The following IKZF2 variants were observed in gnomAD, a reference collection of about 807,000 sequenced individuals.
IKZF2 encodes zinc finger protein Helios.
IKZF2 carries 15 observed loss-of-function variants against 49.2 expected under a neutral mutation model. The observed-to-expected ratio is 0.30, with a 90% CI of 0.20 to 0.47. The LOEUF (loss-of-function observed/expected upper bound fraction) is 0.47. Among genes scored for constraint, IKZF2 ranks in the 20% least tolerant of loss-of-function variants. IKZF2 has a pLI of 1.00. For missense variants in IKZF2, 567 were observed against 664.6 expected (o/e 0.85, Z 1.61); for synonymous variants, 227 against 221.4 (o/e 1.03, Z -0.23).
chr2:213,025,779 G>A (rs1282130251), intron 6 of IKZF2, among the ~76,000 whole-genome samples: 1 of 152,032 alleles, frequency 6.6e-6, no homozygotes, highest in Non-Finnish European at 1.5e-5. Context: ...TTCTTTGCTA[G>A]TGTTACCACT....
intron 4 of IKZF2, among the ~76,000 whole-genome samples, chr2:213,132,875 C>T (rs1157116219): frequency 6.6e-6 from 1 of 152,152 alleles, no homozygotes; most frequent in African/African-American, 2.4e-5. Flanking sequence ...TTCATTTCTT[C>T]AGTAATTGAT....
At chr2:213,079,196 T>C (rs538781482) in intron 4 of IKZF2, among the ~76,000 whole-genome samples, 2 of 151,948 alleles carry the variant, frequency 1.3e-5, no homozygotes, top group East Asian at 3.9e-4. Context: ...CTGGGCAACA[T>C]AGTGGGATCC....
chr2:213,010,281 A>G (rs976061636), intron 8 of IKZF2, among the ~76,000 whole-genome samples: 1 of 152,118 alleles, frequency 6.6e-6, no homozygotes, highest in Non-Finnish European at 1.5e-5. Context: ...CAAGGAAATA[A>G]CTGATATCAC....
intron 4 of IKZF2, among the ~76,000 whole-genome samples, chr2:213,103,504 G>T (rs1380488991): frequency 6.6e-6 from 1 of 152,140 alleles, no homozygotes; most frequent in Non-Finnish European, 1.5e-5. Context: ...GAGAATGAAT[G>T]AATGAGTATA....
At chr2:213,117,814 A>G (rs956981613) in intron 4 of IKZF2, among the ~76,000 whole-genome samples, 1 of 152,188 alleles carries the variant, frequency 6.6e-6, no homozygotes, top group East Asian at 1.9e-4. Context: ...CCCTACTACA[A>G]TTGCCACATT....
At chr2:213,051,976 G>A (rs751232616) in intron 5 of IKZF2, among the ~76,000 whole-genome samples, 2 of 151,872 alleles carry the variant, frequency 1.3e-5, no homozygotes, top group African/African-American at 2.4e-5. Flanking sequence ...TGTTTGAGTT[G>A]AAATATTTCA....
intron 5 of IKZF2, among the ~76,000 whole-genome samples, chr2:213,056,266 A>G (rs1574655026): frequency 1.3e-5 from 2 of 152,288 alleles, no homozygotes; most frequent in Admixed American, 6.5e-5. Context: ...GTCATATTCA[A>G]TCCTACATAT....
chr2:213,047,437 T>A (rs922016567), intron 6 of IKZF2, among the ~76,000 whole-genome samples: 1 of 152,100 alleles, frequency 6.6e-6, no homozygotes, highest in Non-Finnish European at 1.5e-5. Context: ...CCAGAAGGCA[T>A]GAGTCTGAGA....
At chr2:213,021,730 A>T (rs2291241) in intron 7 of IKZF2, 425,340 of 520,324 alleles carry the variant, frequency 0.82, 175,795 homozygotes, top group Non-Finnish European at 0.86. Context: ...TCTGGTTAGA[A>T]AAATGAAAAA....
chr2:213,086,415 G>A (rs1704604983), intron 4 of IKZF2, among the ~76,000 whole-genome samples: 1 of 152,168 alleles, frequency 6.6e-6, no homozygotes, highest in South Asian at 2.1e-4. Flanking sequence ...ATGATATGAT[G>A]TATGATTTAC....
At chr2:213,013,482 C>T (rs1246168056) in intron 8 of IKZF2, among the ~76,000 whole-genome samples, 2 of 151,344 alleles carry the variant, frequency 1.3e-5, no homozygotes, top group African/African-American at 4.8e-5. Context: ...TAGGCTGGAC[C>T]GTTTCTCTTC....
At chr2:213,093,678 T>C (rs1705615919) in intron 4 of IKZF2, among the ~76,000 whole-genome samples, 1 of 152,188 alleles carries the variant, frequency 6.6e-6, no homozygotes, top group Non-Finnish European at 1.5e-5. Context: ...GCAAGCTTAG[T>C]GCCTGACCCA....
intron 6 of IKZF2, among the ~76,000 whole-genome samples, chr2:213,041,562 A>G (rs1294811562): frequency 1.3e-5 from 2 of 152,176 alleles, no homozygotes; most frequent in Non-Finnish European, 2.9e-5. Flanking sequence ...TCGGCCTCCC[A>G]AAGTGTTAGG....
intron 4 of IKZF2, among the ~76,000 whole-genome samples, chr2:213,110,534 G>T (rs2059671610): frequency 6.6e-6 from 1 of 150,672 alleles, no homozygotes; most frequent in Non-Finnish European, 1.5e-5. Context: ...TTCAATTATT[G>T]GATATACCTA....
At chr2:213,057,783 A>G (rs1701303746) in intron 4 of IKZF2, among the ~76,000 whole-genome samples, 1 of 152,192 alleles carries the variant, frequency 6.6e-6, no homozygotes, top group Non-Finnish European at 1.5e-5. Flanking sequence ...TTTGAAAATC[A>G]AAGTATTCCA....
chr2:213,122,218 T>G (rs2060081378), intron 4 of IKZF2, among the ~76,000 whole-genome samples: 1 of 152,220 alleles, frequency 6.6e-6, no homozygotes, highest in Non-Finnish European at 1.5e-5. Flanking sequence ...AAAGATGCAG[T>G]TCAGTCACGT....
intron 6 of IKZF2, among the ~76,000 whole-genome samples, chr2:213,034,421 C>T (rs969915983): frequency 1.3e-5 from 2 of 152,190 alleles, no homozygotes; most frequent in African/African-American, 4.8e-5. Flanking sequence ...CTCATCATTT[C>T]TAGCTTTTGA....
chr2:213,146,763 G>GC (rs80171046), intron 4 of IKZF2, among the ~76,000 whole-genome samples: 21 of 133,390 alleles, frequency 1.6e-4, no homozygotes, highest in South Asian at 7.7e-4. Context: ...AATCTTCGGG[G>GC]GGGGGGAAGG....
intron 6 of IKZF2, 146 bp downstream of exon 6, chr2:213,049,567 G>A: frequency 1.9e-6 from 1 of 530,024 alleles, no homozygotes; most frequent in Non-Finnish European, 3.0e-6. Flanking sequence ...CATCCTGCAA[G>A]ATTTATCAAT....
Sources: allele counts gnomAD v4.1 joint callset (sites outside exome capture counted in the v4.1 genomes callset), GRCh38; gene constraint gnomAD v4.1.1; transcripts MANE v1.5; gene names NCBI Gene and HGNC (gene_info 2026-07-23, HGNC 2026-07-21).